MYBPHL: variants seen among roughly 807,000 people sequenced by gnomAD.
MYBPHL encodes the protein myosin binding protein H like.
MYBPHL carries 32 observed loss-of-function variants against 39.5 expected under a neutral mutation model. The observed-to-expected ratio is 0.81, with a 90% CI of 0.61 to 1.09. The LOEUF is 1.09. Ranked by LOEUF, MYBPHL falls within the 50% of genes least tolerant of loss-of-function variation. MYBPHL has a pLI of 0.00. For synonymous variants in MYBPHL, 196 were observed against 183.7 expected (o/e 1.07, Z -0.54); for missense variants, 456 against 460.2 (o/e 0.99, Z 0.08).
At position 109,295,125 on chromosome 1, in the gene MYBPHL, C is replaced by T. The variant is rs758385359; in HGVS notation, c.1040G>A (p.Arg347Gln). The part of the protein sequence containing the change: ...NPLGEASVDC[R>Q]VDVKVPN ...CTTGCCCTTACCTTTCACATCCACC[C>T]GACAGTCCACAGATGCCTCCCCTAG... The change falls in exon 7 of 9, where the codon CGG (arginine) becomes CAG (glutamine). Residue 347 changes from arginine to glutamine, a missense_variant. Transcript: ENST00000357155. The T allele has an allele frequency of 1.8e-5, 29 of 1,613,170 alleles. No individual in the cohort carries two copies. The Middle Eastern group carries it at 5.4e-4, about 30-fold the overall frequency.
At position 109,295,105 on chromosome 1, in the gene MYBPHL, C is replaced by T; in HGVS notation, c.1054+6G>A. 6.2e-7 allele frequency: 1 copy of T among 1,612,598 alleles called. No homozygotes were observed. The highest frequency in any genetic ancestry group is 8.5e-7 in the Non-Finnish European group (1 of 1,179,814). ...CCTAAGGCACTAGTTCTCCTCTTGCCCTTACCTTTCACATCCACCCGACAG... is the reference window on the plus strand; with the variant it reads ...CCTAAGGCACTAGTTCTCCTCTTGCTCTTACCTTTCACATCCACCCGACAG... On this transcript the variant is annotated splice_donor_region_variant and intron_variant, in intron 7 of 8. Coordinates refer to ENST00000357155, the MANE Select transcript of MYBPHL (RefSeq NM_001010985.3).
rs141518010 is a variant in MYBPHL at position 109,296,911 on chromosome 1, C to G, written c.602G>C (p.Arg201Pro). The change falls in exon 5 of 9, where the codon CGC (arginine) becomes CCC (proline). Residue 201 changes from arginine to proline, a missense_variant. Arg to Pro is a moderately radical substitution (Grantham distance 103). Transcript: ENST00000357155. The stretch of plus-strand genomic sequence containing the variant: ...GAGGTCAGAGACGATGCAGCTGGTG[C>G]GGTGATAGTGCTCCAGCACCGTGAA... ...LWFTVLEHYH[R>P]TSCIVSDLII... is the part of the protein sequence containing the mutation. The G allele has an allele frequency of 6.2e-7, 1 of 1,614,128 alleles. No homozygotes were observed. The highest frequency in any genetic ancestry group is 2.2e-5 in the East Asian group (1 of 44,860).
At chr1:109,298,958 T>C (rs547966426) in intron 1 of MYBPHL, among the ~76,000 whole-genome samples, 10 of 152,186 alleles carry the variant, frequency 6.6e-5, no homozygotes, top group East Asian at 1.9e-4. Context: ...CAGTGAGAAG[T>C]AGAGATTAGA....
At chr1:109,301,881 A>G (rs1658296654) in intron 1 of MYBPHL, among the ~76,000 whole-genome samples, 1 of 152,150 alleles carries the variant, frequency 6.6e-6, no homozygotes, top group African/African-American at 2.4e-5. Flanking sequence ...AATTGTTCCT[A>G]TCCTCTCATA....
At position 109,298,159 on chromosome 1, in the gene MYBPHL, G is replaced by GT; in HGVS notation, c.234+9_234+10insA. 6.2e-7 allele frequency: 1 copy of GT among 1,600,290 alleles called. No individual in the cohort carries two copies. Among genetic ancestry groups the GT allele is most frequent in the Non-Finnish European group, 8.5e-7 (1 of 1,174,050 alleles). ...CAGACATGGACCCAGTATGGGGCTG[G>GT]CATGATCACCTGGAATGGGATTAGT... On this transcript the variant is annotated intron_variant, in intron 2 of 8. Transcript: ENST00000357155.
intron 3 of MYBPHL, 91 bp downstream of exon 3, chr1:109,297,331 C>A: frequency 6.4e-7 from 1 of 1,558,372 alleles, no homozygotes; most frequent in Non-Finnish European, 8.7e-7. Flanking sequence ...GGAGCCTTGC[C>A]GCAGCTTCCC....
chr1:109,306,309 G>A (rs1042998047), intron 1 of MYBPHL, among the ~76,000 whole-genome samples: 5 of 152,122 alleles, frequency 3.3e-5, no homozygotes, highest in East Asian at 1.9e-4. Context: ...CTCCACTTCC[G>A]TGGAGCTCAG....
intron 1 of MYBPHL, among the ~76,000 whole-genome samples, chr1:109,299,744 C>T (rs1213342569): frequency 6.6e-6 from 1 of 152,242 alleles, no homozygotes; most frequent in East Asian, 1.9e-4. Flanking sequence ...CCTGAGTGCC[C>T]GTCCTCCCTG....
rs1658491196 is a variant in MYBPHL, at chr1:109,306,935, T to G, written c.57A>C (p.Glu19Asp). 1 of 1,610,072 alleles carries G rather than the reference T, an allele frequency of 6.2e-7. No individual in the cohort carries two copies. Among genetic ancestry groups the G allele is most frequent in the Non-Finnish European group, 8.5e-7 (1 of 1,178,318 alleles). ...VAAGSKLKVK[E>D]ASPADAEPPQ... is the part of the protein sequence containing the mutation. ...GTGGTTCAGCATCCGCTGGGCTGGC[T>G]TCTTTCACCTTCAGCTTGGATCCTG... Residue 19 changes from glutamate (E) to aspartate (D), a missense_variant, in exon 1 of 9, where the codon GAA (glutamate) becomes GAC (aspartate). Physicochemically the swap from Glu to Asp is conservative, Grantham distance 45 (BLOSUM62 2). Transcript: ENST00000357155.
In MYBPHL at chr1:109,306,858, G is replaced by C; in HGVS notation, c.134C>G (p.Pro45Arg). 1.3e-6 allele frequency: 2 copies of C among 1,592,696 alleles called. No homozygotes were observed. Among genetic ancestry groups the C allele is most frequent in the Non-Finnish European group, 1.7e-6 (2 of 1,171,474 alleles). The change falls in exon 1 of 9, where the codon CCC becomes CGC. Residue 45 changes from proline (P) to arginine (R), a missense_variant. By Grantham distance (103) the Pro-to-Arg change is moderately radical. Coordinates refer to ENST00000357155, the MANE Select transcript of MYBPHL (RefSeq NM_001010985.3). ...GAGSPTPQLL[P>R]PIEEHPKIWL... ...CTGCCATGGGTCACCTTCTATAGGG[G>C]GCAGGAGCTGGGGAGTGGGGCTGCC...
In MYBPHL at chr1:109,296,255, G is replaced by GC. The variant is rs1375479282; in HGVS notation, c.845dup (p.Cys282TrpfsTer25). 6.2e-7 allele frequency: 1 copy of GC among 1,613,862 alleles called. No homozygotes were observed. Among genetic ancestry groups the GC allele is most frequent in the Non-Finnish European group, 8.5e-7 (1 of 1,179,968 alleles). On this transcript the variant is annotated frameshift_variant, in exon 6 of 9. Transcript: ENST00000357155. LOFTEE classifies it high-confidence loss of function. Reference sequence around the variant, plus strand: ...TCACCCGGGGAGAGGCGCGGACACAGCAGAAGAGCTGGGTATTATAGCCGG... The same window carrying GC: ...TCACCCGGGGAGAGGCGCGGACACAGCCAGAAGAGCTGGGTATTATAGCCGG...
At chr1:109,294,507 C>T (rs56237434) in intron 7 of MYBPHL, among the ~76,000 whole-genome samples, 3,281 of 152,156 alleles carry the variant, frequency 0.022, 49 homozygotes, top group Middle Eastern at 0.065. Flanking sequence ...AAGACAATGT[C>T]CCTACCCTCA....
In MYBPHL at chr1:109,297,101, C is replaced by G. The variant is rs774866658; in HGVS notation, c.519G>C (p.Gly173=). Residue 173 remains glycine, a synonymous_variant, in exon 4 of 9, where the codon GGG becomes GGC. Coordinates refer to ENST00000357155, the MANE Select transcript of MYBPHL (RefSeq NM_001010985.3). ...CCGTGTATCCCAGAAGTGCTGTATT[C>G]CCCGTATCTTGGGGCGGTGTCCATT... ...TLEWTPPQDT[G]NTALLGYTVQ... 10 of 1,614,060 alleles carry G rather than the reference C, an allele frequency of 6.2e-6. No individual in the cohort carries two copies. The highest frequency in any genetic ancestry group is 2.2e-5 in the East Asian group (1 of 44,890).
At chr1:109,303,308 A>G (rs114615682) in intron 1 of MYBPHL, among the ~76,000 whole-genome samples, 129 of 152,042 alleles carry the variant, frequency 8.5e-4, no homozygotes, top group African/African-American at 2.9e-3. Flanking sequence ...TTCACCACCC[A>G]ACTTAGATTG....
chr1:109,293,936 C>T (rs1384843187), intron 8 of MYBPHL, among the ~76,000 whole-genome samples: 4 of 150,240 alleles, frequency 2.7e-5, no homozygotes, highest in Non-Finnish European at 4.4e-5. Context: ...TGGTGGCGGG[C>T]GCCTGTCATC....
At chr1:109,306,207 G>C (rs190813226) in intron 1 of MYBPHL, among the ~76,000 whole-genome samples, 24 of 152,318 alleles carry the variant, frequency 1.6e-4, no homozygotes, top group African/African-American at 5.8e-4. Context: ...CAGGAAGCTC[G>C]GGGTTGGAAT....
chr1:109,300,475 A>G (rs1225066322), intron 1 of MYBPHL, among the ~76,000 whole-genome samples: 1 of 152,172 alleles, frequency 6.6e-6, no homozygotes, highest in Non-Finnish European at 1.5e-5. Context: ...TGCCTGACAG[A>G]AGTGCCCGCT....
At chr1:109,306,589 G>A (rs1399550460) in intron 1 of MYBPHL, among the ~76,000 whole-genome samples, 2 of 152,098 alleles carry the variant, frequency 1.3e-5, no homozygotes, top group East Asian at 1.9e-4. Context: ...ATCATTTTTA[G>A]TCACTGTAAA....
At chr1:109,305,446 T>A (rs1658432924) in intron 1 of MYBPHL, among the ~76,000 whole-genome samples, 1 of 152,112 alleles carries the variant, frequency 6.6e-6, no homozygotes, top group South Asian at 2.1e-4. Flanking sequence ...TGGGCTGCAT[T>A]TGCGGGCCCG....
Sources: gnomAD v4.1 joint callset for allele counts (sites outside exome capture counted in the v4.1 genomes callset) on GRCh38, gnomAD v4.1.1 for gene constraint, MANE v1.5 for transcripts, NCBI Gene and HGNC (gene_info 2026-07-23, HGNC 2026-07-21) for gene names.